The following TIAM1 variants were observed in gnomAD, a reference collection of about 807,000 sequenced individuals.
The protein encoded by TIAM1 is TIAM Rac1 associated GEF 1.
In TIAM1, 65 loss-of-function variants were observed where a neutral mutation model predicts 163.5. The ratio of observed to expected loss-of-function variants is 0.40; its 90% CI spans 0.33 to 0.49. The LOEUF (loss-of-function observed/expected upper bound fraction) is 0.49. TIAM1 is among the 20% of genes least tolerant of loss of function. TIAM1 has a pLI of 0.77. For missense variants in TIAM1, 1,789 were observed against 2,044.7 expected (o/e 0.87, Z 2.41); for synonymous variants, 833 against 810.1 (o/e 1.03, Z -0.48).
intron 16 of TIAM1, among the ~76,000 whole-genome samples, chr21:31,159,100 C>T (rs2083771865): frequency 6.6e-6 from 1 of 152,060 alleles, no homozygotes; most frequent in Admixed American, 6.5e-5. Flanking sequence ...AAACCTCTCC[C>T]CTACTTGAGG....
intron 2 of TIAM1, among the ~76,000 whole-genome samples, chr21:31,382,994 C>G (rs2076804322): frequency 6.6e-6 from 1 of 152,086 alleles, no homozygotes; most frequent in Non-Finnish European, 1.5e-5. Context: ...AACCCCAGCA[C>G]TTTGGGAGGC....
chr21:31,368,404 T>C (rs1250697095), intron 2 of TIAM1, among the ~76,000 whole-genome samples: 1 of 152,224 alleles, frequency 6.6e-6, no homozygotes, highest in African/African-American at 2.4e-5. Flanking sequence ...CAACAAATTA[T>C]TCATTTGAGC....
At chr21:31,499,859 AAAG>A (rs1311230639) in intron 1 of TIAM1, among the ~76,000 whole-genome samples, 3 of 122,766 alleles carry the variant, frequency 2.4e-5, no homozygotes, top group African/African-American at 6.0e-5. Flanking sequence ...TAGGAAATAA[AAAG>A]AAGAAGAAAA....
intron 2 of TIAM1, among the ~76,000 whole-genome samples, chr21:31,297,691 A>G (rs1190073220): frequency 6.6e-6 from 1 of 152,166 alleles, no homozygotes; most frequent in African/African-American, 2.4e-5. Flanking sequence ...GCCAATGGGA[A>G]TGTACTTAAT....
rs2077049138 is a variant in TIAM1 at position 31,395,445 on chromosome 21, G to A, written c.-368-56023C>T. Among the ~76,000 whole-genome samples the A allele has an allele frequency of 6.6e-6, 1 of 152,244 alleles. No individual in the cohort carries two copies. Among genetic ancestry groups the A allele is most frequent in the South Asian group, 2.1e-4 (1 of 4,824 alleles). ...TAAGGATGGCTTTCACACCAGAGCA[G>A]CAGGGAAAATTGGACAAGAGGGGCC... is the stretch of plus-strand genomic sequence containing the variant. On this transcript the variant is annotated intron_variant, in intron 2 of 28. Coordinates refer to the TIAM1 transcript ENST00000286827. The surrounding 1 kb of genome is among the most constrained non-coding windows in gnomAD (Gnocchi z 7.5).
At chr21:31,340,725 C>T (rs1455859823) in intron 1 of TIAM1, among the ~76,000 whole-genome samples, 3 of 152,034 alleles carry the variant, frequency 2.0e-5, no homozygotes, top group Non-Finnish European at 2.9e-5. Context: ...AAGCAACCCA[C>T]TAACTTACAT....
At position 31,461,863 on chromosome 21, in the gene TIAM1, C is replaced by T. The variant is rs191688913; in HGVS notation, c.-369+2120G>A. Among the ~76,000 whole-genome samples the T allele has an allele frequency of 9.2e-5, 14 of 152,238 alleles. No homozygotes were observed. In the East Asian group the frequency reaches 2.3e-3, roughly 25 times the overall value. Reference sequence around the variant, plus strand: ...CTATATTTTTGTAGAGACGGGGTCTCTCCGTGTTGCCCAGGCTGGTCTCGA... The same window carrying T: ...CTATATTTTTGTAGAGACGGGGTCTTTCCGTGTTGCCCAGGCTGGTCTCGA... On this transcript the variant is annotated intron_variant, in intron 2 of 28. Coordinates refer to the TIAM1 transcript ENST00000286827.
chr21:31,223,497 T>C lies in TIAM1; in HGVS notation c.1904A>G (p.Asn635Ser). 5 of 1,613,848 alleles carry C rather than the reference T, an allele frequency of 3.1e-6. No individual in the cohort carries two copies. The highest frequency in any genetic ancestry group is 4.2e-6 in the Non-Finnish European group (5 of 1,179,876). Residue 635 changes from asparagine to serine, a missense_variant, in exon 8 of 28, where the codon AAC (asparagine) becomes AGC (serine). Transcript: ENST00000541036. The stretch of plus-strand genomic sequence containing the variant: ...TGCAAAAGCGAGAAGCCTTTTGGGG[T>C]TTGGCAGCTCCCCACCCTGAAGGCT... ...LASLQGGELP[N>S]PKRLLAFASR...
At chr21:31,550,566 T>G (rs1284559630) in intron 1 of TIAM1, among the ~76,000 whole-genome samples, 1 of 152,188 alleles carries the variant, frequency 6.6e-6, no homozygotes. Context: ...ACTGTGGTGA[T>G]GGTTGTACAA....
chr21:31,308,886 G>T (rs1483348540), intron 2 of TIAM1, among the ~76,000 whole-genome samples: 1 of 152,174 alleles, frequency 6.6e-6, no homozygotes, highest in African/African-American at 2.4e-5. Flanking sequence ...TGGTTTGACA[G>T]CCTACAGCAA....
intron 3 of TIAM1, among the ~76,000 whole-genome samples, chr21:31,272,174 T>C (rs1242465997): frequency 1.3e-5 from 2 of 152,160 alleles, no homozygotes. Flanking sequence ...TTTTAAGTAT[T>C]GAATGTTTGT....
chr21:31,494,679 C>T (rs2046581810), intron 1 of TIAM1, among the ~76,000 whole-genome samples: 1 of 152,098 alleles, frequency 6.6e-6, no homozygotes, highest in African/African-American at 2.4e-5. Flanking sequence ...CCTGTCTCTA[C>T]TAAAAATACA....
At position 31,118,831 on chromosome 21, in the gene TIAM1, G is replaced by A. The variant is rs757612875; in HGVS notation, c.*1537C>T. On this transcript the variant is annotated 3_prime_UTR_variant, in exon 28 of 28. Coordinates refer to ENST00000541036, the MANE Select transcript of TIAM1 (RefSeq NM_001353694.2). ...TCGAAGCCCTGGAAACCCGAAAGGCGGGGGGAATACAGGGTGGGAACGCAG... is the reference window on the plus strand; with the variant it reads ...TCGAAGCCCTGGAAACCCGAAAGGCAGGGGGAATACAGGGTGGGAACGCAG... 4.3e-5 allele frequency: 15 copies of A among 351,246 alleles called. No homozygotes were observed. Among genetic ancestry groups the A allele is most frequent in the Middle Eastern group, 8.7e-4 (1 of 1,148 alleles). 21.8% of individuals were successfully genotyped at this position (351,246 alleles called of 1,614,324 possible).
At chr21:31,191,658 G>A (rs2146480306) in intron 13 of TIAM1, among the ~76,000 whole-genome samples, 1 of 152,286 alleles carries the variant, frequency 6.6e-6, no homozygotes, top group East Asian at 1.9e-4. Context: ...CAAAATACCT[G>A]CTTCTTTACA....
intron 1 of TIAM1, among the ~76,000 whole-genome samples, chr21:31,485,814 C>T (rs138283575): frequency 6.6e-6 from 1 of 152,262 alleles, no homozygotes; most frequent in Non-Finnish European, 1.5e-5. Context: ...ACTAAAGCTT[C>T]GCACCTACCT....
At chr21:31,203,090 G>A (rs2086283676) in intron 11 of TIAM1, 78 bp from the exon 12 acceptor site, 10 of 1,129,660 alleles carry the variant, frequency 8.9e-6, no homozygotes, top group East Asian at 2.4e-5. Context: ...ACCAACATAC[G>A]ATGTATTCCT....
In TIAM1 at chr21:31,558,176, C is replaced by T. The variant is rs570853146; in HGVS notation, c.-422+751G>A. ...GGGTCCCCAGCCGGGTGGCGAGGGG[C>T]GCGGCGCAGCAGCATCGCAGCGGCA... On this transcript the variant is annotated intron_variant, in intron 1 of 28. Transcript: ENST00000286827. 5.5e-4 allele frequency among the ~76,000 whole-genome samples: 84 copies of T among 152,230 alleles called. 1 individual carries two copies. Among genetic ancestry groups the T allele is most frequent in the African/African-American group, 1.9e-3 (79 of 41,566 alleles).
chr21:31,120,790 G>A lies in TIAM1; in HGVS notation c.4354C>T (p.Arg1452Ter). The change falls in exon 28 of 28, where the codon CGA (arginine) becomes TGA (stop). Residue 1452 changes from arginine to a stop codon, truncating the protein, a stop_gained. Transcript: ENST00000541036. LOFTEE classifies it high-confidence loss of function. The surrounding 1 kb of genome is among the most constrained non-coding windows in gnomAD (Gnocchi z 4.2). ...SLGRRRRRLA[R>*]NRFTIDSDAV... is the part of the protein sequence containing the mutation. ...TCAGAATCAATGGTAAACCTGTTTC[G>A]AGCCAGCCGCCGCCTCCTCCTCCCA... is the stretch of plus-strand genomic sequence containing the variant. 5.6e-6 allele frequency: 9 copies of A among 1,613,696 alleles called. No individual in the cohort carries two copies. Among genetic ancestry groups the A allele is most frequent in the Non-Finnish European group, 7.6e-6 (9 of 1,179,942 alleles).
chr21:31,234,821 T>C (rs77472971), intron 6 of TIAM1, among the ~76,000 whole-genome samples: 1 of 151,528 alleles, frequency 6.6e-6, no homozygotes, highest in Non-Finnish European at 1.5e-5. Context: ...TTTGGCAGCA[T>C]ATATACTAAA....
Sources: allele counts gnomAD v4.1 joint callset (sites outside exome capture counted in the v4.1 genomes callset), GRCh38; gene constraint gnomAD v4.1.1; non-coding constraint Gnocchi (gnomAD v3.1); transcripts MANE v1.5; gene names NCBI Gene and HGNC (gene_info 2026-07-23, HGNC 2026-07-21).